CSMD2: variants seen among roughly 807,000 people sequenced by gnomAD.
The protein encoded by CSMD2 is CUB and Sushi multiple domains 2, also known as CUB and sushi domain-containing protein 2.
Under a neutral mutation model 398.5 loss-of-function variants are expected in CSMD2, and 130 were observed. The ratio of observed to expected loss-of-function variants is 0.33; its 90% CI spans 0.28 to 0.38. The LOEUF (loss-of-function observed/expected upper bound fraction) is 0.38, where lower values mean the gene tolerates loss of function less well. Ranked by LOEUF, CSMD2 falls within the 10% of genes least tolerant of loss-of-function variation. The pLI is 1.00. For missense variants in CSMD2, 3,829 were observed against 4,764.9 expected, an observed-to-expected ratio of 0.80 and a Z score of 5.78; for synonymous variants, 1,828 against 1,908.5, an observed-to-expected ratio of 0.96 and a Z score of 1.10.
chr1:33,521,107 T>C (rs1654236281), intron 68 of CSMD2, among the ~76,000 whole-genome samples: 1 of 152,204 alleles, frequency 6.6e-6, no homozygotes, highest in Non-Finnish European at 1.5e-5. Context: ...CTGAGAGCTC[T>C]AAGACACTCC....
At chr1:33,995,763 G>A (rs891234440) in intron 3 of CSMD2, among the ~76,000 whole-genome samples, 2 of 152,148 alleles carry the variant, frequency 1.3e-5, no homozygotes, top group East Asian at 1.9e-4. Context: ...TGGACTTATC[G>A]CGAATAGGAA....
At chr1:33,929,085 G>T (rs1301440365) in intron 4 of CSMD2, among the ~76,000 whole-genome samples, 1 of 152,096 alleles carries the variant, frequency 6.6e-6, no homozygotes, top group Admixed American at 6.6e-5. Context: ...CTCCATCTTG[G>T]TCATTGGCAT....
In CSMD2 at chr1:33,519,101, G is replaced by A. The variant is rs531661446; in HGVS notation, c.*53+364C>T. On this transcript the variant is annotated intron_variant, in intron 70 of 70. Transcript: ENST00000373381. The surrounding 1 kb of genome is among the most constrained non-coding windows in gnomAD (Gnocchi z 5.6). ...AGAGAGAAACAGACTAGTACATGCC[G>A]ATGTTCTGCCAAGCCCAGGGGTGAG... Among the ~76,000 whole-genome samples the A allele has an allele frequency of 2.6e-5, 4 of 152,204 alleles. No individual in the cohort carries two copies. Among genetic ancestry groups the A allele is most frequent in the South Asian group, 2.1e-4 (1 of 4,814 alleles).
chr1:33,523,023 GC>G (rs1435820667), intron 67 of CSMD2, among the ~76,000 whole-genome samples: 1 of 152,164 alleles, frequency 6.6e-6, no homozygotes, highest in Non-Finnish European at 1.5e-5. Context: ...AATTCCCTCT[GC>G]CCCCAACCTC....
rs531361009 is a variant in CSMD2 at position 34,092,680 on chromosome 1, C to T, written c.188-3487G>A. 1.9e-3 allele frequency among the ~76,000 whole-genome samples: 282 copies of T among 152,272 alleles called. 1 individual carries two copies. Among genetic ancestry groups the T allele is most frequent in the African/African-American group, 6.4e-3 (268 of 41,566 alleles). On this transcript the variant is annotated intron_variant, in intron 1 of 70. Coordinates refer to ENST00000373381, the MANE Select transcript of CSMD2 (RefSeq NM_001281956.2). ...CCTGGAGAATCGGGTCACTCCCACC[C>T]GAATACTGCGCTTTTCCGACGGGCT...
chr1:34,103,314 T>TTTTTTTTTTTTTTTTTC (rs1553316154), intron 1 of CSMD2, among the ~76,000 whole-genome samples: 2 of 114,658 alleles, frequency 1.7e-5, no homozygotes, highest in Non-Finnish European at 1.7e-5. Context: ...TTTTTTTCTT[T>TTTTTTTTTTTTTTTTTC]CTGAGCCAGA....
chr1:34,140,494 C>T (rs113642712), intron 1 of CSMD2, among the ~76,000 whole-genome samples: 38 of 152,124 alleles, frequency 2.5e-4, no homozygotes, highest in Admixed American at 1.8e-3. Flanking sequence ...CCCAATGCCT[C>T]GGATCCCACT....
chr1:33,585,468 A>G (rs1407013202), intron 46 of CSMD2, among the ~76,000 whole-genome samples: 1 of 152,184 alleles, frequency 6.6e-6, no homozygotes, highest in Non-Finnish European at 1.5e-5. Flanking sequence ...CTGCCTGAGT[A>G]GCTTTGAAAG....
chr1:33,933,427 A>T (rs142303416), intron 4 of CSMD2, among the ~76,000 whole-genome samples: 89 of 152,290 alleles, frequency 5.8e-4, no homozygotes, highest in Non-Finnish European at 9.3e-4. Flanking sequence ...ATTGGATTAC[A>T]TTTGTTTCTG....
intron 13 of CSMD2, among the ~76,000 whole-genome samples, chr1:33,771,789 T>TG (rs1208402140): frequency 5.3e-5 from 8 of 152,088 alleles, no homozygotes; most frequent in African/African-American, 1.9e-4. Context: ...TGGAAAGAGA[T>TG]GGAGAAGGTG....
At chr1:34,092,561 C>T (rs189797765) in intron 1 of CSMD2, among the ~76,000 whole-genome samples, 5 of 152,182 alleles carry the variant, frequency 3.3e-5, no homozygotes, top group African/African-American at 9.6e-5. Flanking sequence ...GCACCGTGCA[C>T]GAGCCGAAGC....
intron 1 of CSMD2, among the ~76,000 whole-genome samples, chr1:34,109,909 T>A (rs1281561989): frequency 6.6e-6 from 1 of 151,262 alleles, no homozygotes; most frequent in East Asian, 1.9e-4. Context: ...GGCGTGGTGG[T>A]GTGCGCCTGT....
intron 4 of CSMD2, among the ~76,000 whole-genome samples, chr1:33,925,805 C>T (rs1177113769): frequency 6.6e-6 from 1 of 152,112 alleles, no homozygotes; most frequent in Non-Finnish European, 1.5e-5. Flanking sequence ...GTCTCTCTGT[C>T]CCTACTATCT....
chr1:34,008,871 C>CTGAA (rs755752914), intron 3 of CSMD2, among the ~76,000 whole-genome samples: 7 of 152,164 alleles, frequency 4.6e-5, no homozygotes, highest in South Asian at 2.1e-4. Flanking sequence ...TAACTATTTG[C>CTGAA]TGAATGAATG....
intron 3 of CSMD2, among the ~76,000 whole-genome samples, chr1:34,000,459 A>G (rs757214098): frequency 6.6e-5 from 10 of 152,130 alleles, no homozygotes; most frequent in Non-Finnish European, 1.0e-4. Context: ...AGCAAAGAGA[A>G]ATGCCGGATC....
At chr1:34,130,919 A>G (rs1663279155) in intron 1 of CSMD2, among the ~76,000 whole-genome samples, 1 of 152,094 alleles carries the variant, frequency 6.6e-6, no homozygotes. Flanking sequence ...AACCGAGACC[A>G]TCCTATCCAG....
At chr1:33,601,750 C>T (rs1364168940) in intron 43 of CSMD2, among the ~76,000 whole-genome samples, 1 of 152,220 alleles carries the variant, frequency 6.6e-6, no homozygotes, top group Admixed American at 6.5e-5. Flanking sequence ...TATATAACTA[C>T]ATAACTCAGA....
intron 2 of CSMD2, among the ~76,000 whole-genome samples, chr1:34,076,928 A>AAAAAAAAAAAAAATATAT (rs1232288848): frequency 1.9e-5 from 1 of 53,600 alleles, no homozygotes; most frequent in African/African-American, 8.6e-5. Flanking sequence ...AAAAAAAAAA[A>AAAAAAAAAAAAAATATAT]ATATATATAT....
At chr1:33,724,338 T>C in intron 18 of CSMD2, 25 bp from the exon 19 acceptor site, 1 of 1,581,076 alleles carries the variant, frequency 6.3e-7, no homozygotes, top group South Asian at 1.1e-5. Context: ...AAGAGGGCAG[T>C]GAAAGACCAG....
Sources: allele counts gnomAD v4.1 joint callset (sites outside exome capture counted in the v4.1 genomes callset), GRCh38; gene constraint gnomAD v4.1.1; non-coding constraint Gnocchi (gnomAD v3.1); transcripts MANE v1.5; gene names NCBI Gene and HGNC (gene_info 2026-07-23, HGNC 2026-07-21).